Variants in GAB3 observed in about 807,000 individuals in gnomAD.
GAB3 encodes GRB2-associated-binding protein 3.
GAB3 carries 12 observed loss-of-function variants against 40.4 expected under a neutral mutation model. The ratio of observed to expected loss-of-function variants is 0.30; its 90% CI spans 0.19 to 0.48. GAB3 has a LOEUF of 0.48. GAB3 is among the 20% of genes least tolerant of loss of function. The probability of loss-of-function intolerance (pLI) is 0.99; values close to 1 mark genes in which losing one functional copy is unlikely to be tolerated. For missense variants in GAB3, 381 were observed against 461.9 expected (o/e 0.82, Z 1.61); for synonymous variants, 154 against 176.7 (o/e 0.87, Z 1.02).
At chrX:154,731,876 G>C (rs993974677) in intron 1 of GAB3, among the ~76,000 whole-genome samples, 6 of 112,383 alleles carry the variant, frequency 5.3e-5, no homozygotes, top group African/African-American at 1.9e-4. Context: ...CGCTCACACA[G>C]ACCCCATGTG....
intron 1 of GAB3, 35 bp downstream of exon 1, chrX:154,750,919 G>T: frequency 1.3e-6 from 1 of 768,478 alleles, no homozygotes; most frequent in South Asian, 6.4e-5. Flanking sequence ...GCCCCGGGAC[G>T]CGAAGGCCGG....
At chrX:154,699,220 C>T in intron 6 of GAB3, 74 bp downstream of exon 6, 4 of 898,852 alleles carry the variant, frequency 4.5e-6, no homozygotes, top group Non-Finnish European at 6.5e-6. Context: ...TCTTCCTTTA[C>T]AGAAACCTTT....
intron 4 of GAB3, among the ~76,000 whole-genome samples, chrX:154,705,044 T>C (rs1481227519): frequency 1.8e-5 from 2 of 111,217 alleles, no homozygotes; most frequent in Admixed American, 1.9e-4. Flanking sequence ...CTTCTCAAAC[T>C]ATCCCCCACA....
chrX:154,727,711 C>A lies in GAB3; in HGVS notation c.73-11382G>T, dbSNP rs374691251. On this transcript the variant is annotated intron_variant, in intron 1 of 9. Coordinates refer to ENST00000424127, the MANE Select transcript of GAB3 (RefSeq NM_001081573.3). ...GATGTAACAGTGAACCAGATAGACA[C>A]AGTCTCCAAGCTGGAACTTAGGCTG... 1.3e-4 allele frequency among the ~76,000 whole-genome samples: 15 copies of A among 112,146 alleles called. 1 individual carries two copies. The East Asian group carries it at 3.9e-3, about 29-fold the overall frequency.
chrX:154,744,488 C>T, intron 1 of GAB3, among the ~76,000 whole-genome samples: 1 of 111,625 alleles, frequency 9.0e-6, no homozygotes, highest in Non-Finnish European at 1.9e-5. Flanking sequence ...CATAGTAGTT[C>T]CAAATGTGTA....
chrX:154,695,859 C>T (rs1228891778), intron 8 of GAB3, 58 bp downstream of exon 8: 17 of 692,206 alleles, frequency 2.5e-5, no homozygotes, highest in Non-Finnish European at 3.8e-5. Context: ...TTACAATGAG[C>T]TCATAAGACT....
At chrX:154,740,552 A>C (rs1476082683) in intron 1 of GAB3, among the ~76,000 whole-genome samples, 3 of 111,296 alleles carry the variant, frequency 2.7e-5, no homozygotes, top group African/African-American at 9.8e-5. Context: ...CAGAGAGTGG[A>C]GGTCACAAGG....
intron 1 of GAB3, among the ~76,000 whole-genome samples, chrX:154,734,458 A>C (rs2071336716): frequency 8.9e-6 from 1 of 112,885 alleles, no homozygotes; most frequent in South Asian, 3.6e-4. Context: ...ACTGTGCAGA[A>C]TGCTAATGTT....
At chrX:154,709,918 G>C (rs942824883) in intron 4 of GAB3, among the ~76,000 whole-genome samples, 2 of 111,705 alleles carry the variant, frequency 1.8e-5, no homozygotes, top group Non-Finnish European at 3.8e-5. Flanking sequence ...TAGTAAAATG[G>C]TGGTTGTCAG....
At chrX:154,721,303 A>G (rs1046149597) in intron 1 of GAB3, among the ~76,000 whole-genome samples, 1 of 112,322 alleles carries the variant, frequency 8.9e-6, no homozygotes, top group Non-Finnish European at 1.9e-5. Flanking sequence ...ATTTATAACA[A>G]TATTAGTTTA....
rs1429155022 is a variant in GAB3, at chrX:154,717,326, C to T, written c.73-997G>A. 1.3e-4 allele frequency among the ~76,000 whole-genome samples: 14 copies of T among 110,700 alleles called. No homozygotes were observed. In the Admixed American group the frequency reaches 1.3e-3, roughly 11 times the overall value. On this transcript the variant is annotated intron_variant, in intron 1 of 9. Transcript: ENST00000424127. ...CAACCAGGGATGGTATAATTCCTCT[C>T]GGGAGCATCTGAAAATATGTGGGTT...
Position 154,712,715 on chromosome X carries a change from G to A in GAB3, c.597-14C>T, listed in dbSNP as rs1484197914. The A allele has an allele frequency of 3.8e-6, 4 of 1,059,494 alleles. No homozygotes were observed. The African/African-American group carries it at 7.6e-5, about 20-fold the overall frequency. The allele number at this position is 1,059,494 out of a possible 1,213,427, so 87.3% of individuals were successfully genotyped here. On this transcript the variant is annotated splice_polypyrimidine_tract_variant and intron_variant, in intron 3 of 9. Coordinates refer to ENST00000424127, the MANE Select transcript of GAB3 (RefSeq NM_001081573.3). ...CTGGTGGGTAGACTGGGGAAGAAAA[G>A]CATGTAAGTTGGACTAAAATGCAGC...
rs141162040 is a variant in GAB3 at position 154,746,665 on chromosome X, C to G, written c.72+4289G>C. On this transcript the variant is annotated intron_variant, in intron 1 of 9. Coordinates refer to ENST00000424127, the MANE Select transcript of GAB3 (RefSeq NM_001081573.3). ...TTTCCCTCTAAAATCAAGAAAAAGT[C>G]AAGGATGTCTGCTCTCGTCATTTCT... 3.0e-3 allele frequency among the ~76,000 whole-genome samples: 341 copies of G among 112,177 alleles called. 1 individual carries two copies. Among genetic ancestry groups the G allele is most frequent in the African/African-American group, 0.01 (316 of 30,881 alleles).
At chrX:154,727,520 T>C (rs940349098) in intron 1 of GAB3, among the ~76,000 whole-genome samples, 1 of 112,884 alleles carries the variant, frequency 8.9e-6, no homozygotes, top group African/African-American at 3.2e-5. Context: ...CACAGGATAG[T>C]TGCTCAGTAA....
At chrX:154,715,202 TAGATTAC>T (rs1334167787) in intron 2 of GAB3, among the ~76,000 whole-genome samples, 1 of 111,849 alleles carries the variant, frequency 8.9e-6, no homozygotes, top group Non-Finnish European at 1.9e-5. Flanking sequence ...GAAGCAACTA[TAGATTAC>T]AGGATTTAGG....
rs1284865262 is a variant in GAB3 at position 154,675,585 on chromosome X, C to T, written c.*2593G>A. ...CTTGCAGGCTTGAGACCCTTGGGTC[C>T]CCCGTCCTGCACTGGACGACCCCTG... On this transcript the variant is annotated 3_prime_UTR_variant, in exon 10 of 10. Coordinates refer to ENST00000424127, the MANE Select transcript of GAB3 (RefSeq NM_001081573.3). The T allele has an allele frequency of 8.9e-6, 1 of 112,123 alleles. No homozygotes were observed. The highest frequency in any genetic ancestry group is 1.9e-5 in the Non-Finnish European group (1 of 53,185). 9.2% of individuals were successfully genotyped at this position (112,123 alleles called of 1,213,427 possible).
intron 4 of GAB3, among the ~76,000 whole-genome samples, chrX:154,706,336 A>C (rs916773560): frequency 1.8e-5 from 2 of 108,721 alleles, no homozygotes; most frequent in African/African-American, 3.4e-5. Context: ...GAATCGCTTG[A>C]ACCTGGAAGG....
chrX:154,709,532 C>G (rs1356085097), intron 4 of GAB3, among the ~76,000 whole-genome samples: 3 of 109,166 alleles, frequency 2.7e-5, no homozygotes, highest in African/African-American at 1.0e-4. Context: ...ATTGGCCAGG[C>G]TGGTCTTGAA....
intron 1 of GAB3, among the ~76,000 whole-genome samples, chrX:154,747,894 A>G (rs782254261): frequency 8.9e-6 from 1 of 112,625 alleles, no homozygotes; most frequent in African/African-American, 3.2e-5. Context: ...ATGGGCTGCT[A>G]GAAAATATTT....
Sources: gnomAD v4.1 joint callset for allele counts (sites outside exome capture counted in the v4.1 genomes callset) on GRCh38, gnomAD v4.1.1 for gene constraint, MANE v1.5 for transcripts, NCBI Gene and HGNC (gene_info 2026-07-23, HGNC 2026-07-21) for gene names.